Variants in SERPINI1 observed in about 807,000 individuals in gnomAD.
The protein encoded by SERPINI1 is serpin family I member 1, also known as neuroserpin.
In SERPINI1, 19 loss-of-function variants were observed where a neutral mutation model predicts 41.1. The ratio of observed to expected loss-of-function variants is 0.46; its 90% CI spans 0.32 to 0.68. SERPINI1 has a LOEUF of 0.68. SERPINI1 is among the 30% of genes least tolerant of loss of function. The probability of loss-of-function intolerance (pLI) is 0.03; values close to 1 mark genes in which losing one functional copy is unlikely to be tolerated. For synonymous variants in SERPINI1, 138 were observed against 156.6 expected (o/e 0.88, Z 0.89); for missense variants, 460 against 479.2 (o/e 0.96, Z 0.37).
At chr3:167,806,092 A>C (rs998362833) in intron 5 of SERPINI1, among the ~76,000 whole-genome samples, 1 of 152,184 alleles carries the variant, frequency 6.6e-6, no homozygotes, top group African/African-American at 2.4e-5. Flanking sequence ...TCAATGATAG[A>C]CTGGATAAAG....
chr3:167,798,964 A>C (rs1727802836), intron 5 of SERPINI1, among the ~76,000 whole-genome samples: 1 of 152,138 alleles, frequency 6.6e-6, no homozygotes, highest in African/African-American at 2.4e-5. Context: ...ACAAACCTAC[A>C]TACGTATCCC....
chr3:167,737,847 T>C (rs2108527078), intron 1 of SERPINI1, among the ~76,000 whole-genome samples: 1 of 152,242 alleles, frequency 6.6e-6, no homozygotes. Context: ...GGATAGAATC[T>C]GATTAGGAAT....
chr3:167,772,872 A>ATG (rs1726820888), intron 1 of SERPINI1, among the ~76,000 whole-genome samples: 1 of 41,770 alleles, frequency 2.4e-5, no homozygotes, highest in African/African-American at 1.2e-4. Context: ...CTCTATATAT[A>ATG]TATATATATA....
chr3:167,781,856 A>C (rs1348057151), intron 1 of SERPINI1, among the ~76,000 whole-genome samples: 1 of 152,038 alleles, frequency 6.6e-6, no homozygotes, highest in African/African-American at 2.4e-5. Flanking sequence ...ATCTTTTTTT[A>C]TAATGCGGAC....
rs924074496 is a variant in SERPINI1, at chr3:167,813,116, G to A, written c.979+5775G>A. 9.2e-5 allele frequency among the ~76,000 whole-genome samples: 14 copies of A among 152,172 alleles called. 1 individual carries two copies. Among genetic ancestry groups the A allele is most frequent in the Admixed American group, 9.2e-4 (14 of 15,270 alleles). ...ACTCAAGTGCTGTTGATTTATGCTG[G>A]ACCTACTCTTACCCTCTGCCCTTGT... On this transcript the variant is annotated intron_variant, in intron 6 of 8. Transcript: ENST00000446050.
At chr3:167,793,278 A>C (rs1045619563) in intron 4 of SERPINI1, among the ~76,000 whole-genome samples, 1 of 152,152 alleles carries the variant, frequency 6.6e-6, no homozygotes, top group Non-Finnish European at 1.5e-5. Flanking sequence ...AATATAATTC[A>C]ATATCTTTGG....
chr3:167,789,632 G>T (rs193149966), intron 2 of SERPINI1, among the ~76,000 whole-genome samples: 1 of 152,186 alleles, frequency 6.6e-6, no homozygotes, highest in East Asian at 1.9e-4. Context: ...ATCAAAAAAA[G>T]CAAACATTTT....
chr3:167,787,654 C>G (rs984157812), intron 1 of SERPINI1, among the ~76,000 whole-genome samples: 2 of 152,178 alleles, frequency 1.3e-5, no homozygotes, highest in African/African-American at 4.8e-5. Flanking sequence ...CCATTAGCAA[C>G]GGAGGTGGTG....
At chr3:167,792,878 A>G (rs1577420779) in intron 4 of SERPINI1, 94 bp downstream of exon 4, 1 of 1,099,572 alleles carries the variant, frequency 9.1e-7, no homozygotes, top group Non-Finnish European at 1.4e-6. Flanking sequence ...ACTCCTTGTC[A>G]ATCTAATTTG....
At chr3:167,822,964 AT>A in intron 6 of SERPINI1, 21 bp from the exon 7 acceptor site, 13 of 1,451,644 alleles carry the variant, frequency 9.0e-6, no homozygotes, top group Non-Finnish European at 1.3e-5. Context: ...AAAAAAAAAA[AT>A]TTCTGATTCT....
In SERPINI1 at chr3:167,820,291, C is replaced by A. The variant is rs552841254; in HGVS notation, c.980-2695C>A. The stretch of plus-strand genomic sequence containing the variant: ...GGAGGAGCAGCCAGGGCTTCATGCT[C>A]CATGGAGCCAGCAGGAGCTGGGAAG... On this transcript the variant is annotated intron_variant, in intron 6 of 8. Transcript: ENST00000446050. Among the ~76,000 whole-genome samples the A allele has an allele frequency of 1.2e-4, 18 of 152,254 alleles. No homozygotes were observed. In the East Asian group the frequency reaches 3.3e-3, roughly 28 times the overall value.
intron 1 of SERPINI1, among the ~76,000 whole-genome samples, chr3:167,776,986 G>A (rs1726985995): frequency 6.6e-6 from 1 of 152,136 alleles, no homozygotes; most frequent in South Asian, 2.1e-4. Flanking sequence ...TCAGTATAGC[G>A]AGAATCCCCT....
chr3:167,786,130 C>T (rs1727297279), intron 1 of SERPINI1, among the ~76,000 whole-genome samples: 1 of 152,168 alleles, frequency 6.6e-6, no homozygotes, highest in South Asian at 2.1e-4. Flanking sequence ...ATTTGTGTAT[C>T]TAAACACAGA....
chr3:167,761,247 G>A (rs1294280526), intron 1 of SERPINI1, among the ~76,000 whole-genome samples: 1 of 152,202 alleles, frequency 6.6e-6, no homozygotes, highest in African/African-American at 2.4e-5. Flanking sequence ...TGAAAAGTTT[G>A]GTGATAGAAA....
In SERPINI1 at chr3:167,790,574, C is replaced by A; in HGVS notation, c.453C>A (p.Ile151=). The change falls in exon 3 of 9, where the codon ATC becomes ATA. Residue 151 remains isoleucine (I), a synonymous_variant. Transcript: ENST00000446050. Reference sequence around the variant, plus strand: ...AAAATGTAGCCGTGGCCAACTACATCAATAAGTGGGTGGAGAATAACACAA... The same window carrying A: ...AAAATGTAGCCGTGGCCAACTACATAAATAAGTGGGTGGAGAATAACACAA... The part of the protein sequence containing the change: ...FSQNVAVANY[I]NKWVENNTNN... The A allele has an allele frequency of 1.2e-6, 2 of 1,613,392 alleles. No homozygotes were observed. Among genetic ancestry groups the A allele is most frequent in the Non-Finnish European group, 1.7e-6 (2 of 1,179,466 alleles).
At chr3:167,772,611 G>C (rs1049006564) in intron 1 of SERPINI1, among the ~76,000 whole-genome samples, 2 of 151,878 alleles carry the variant, frequency 1.3e-5, no homozygotes, top group African/African-American at 2.4e-5. Flanking sequence ...TTTTTAAAAA[G>C]TGAAGTCAAG....
chr3:167,745,191 C>CA (rs1725827092), intron 1 of SERPINI1, among the ~76,000 whole-genome samples: 1 of 151,642 alleles, frequency 6.6e-6, no homozygotes, highest in Non-Finnish European at 1.5e-5. Context: ...AAAATACTAG[C>CA]AACCAAATCT....
chr3:167,787,842 A>C (rs934685018), intron 1 of SERPINI1, among the ~76,000 whole-genome samples: 1 of 152,246 alleles, frequency 6.6e-6, no homozygotes, highest in African/African-American at 2.4e-5. Context: ...GTCACCAGGC[A>C]GTTCTCTGAA....
rs139885229 is a variant in SERPINI1 at position 167,798,769 on chromosome 3, T to A, written c.881+3945T>A. 6.6e-4 allele frequency among the ~76,000 whole-genome samples: 100 copies of A among 152,196 alleles called. No individual in the cohort carries two copies. In the East Asian group the frequency reaches 0.017, roughly 27 times the overall value. On this transcript the variant is annotated intron_variant, in intron 5 of 8. Coordinates refer to ENST00000446050, the MANE Select transcript of SERPINI1 (RefSeq NM_001122752.2). ...ACCAAATACTGCATTTTCTCACTTA[T>A]AAGTGGGAGCTAAATTTTGGGTACT...
Sources: gnomAD v4.1 joint callset for allele counts (sites outside exome capture counted in the v4.1 genomes callset) on GRCh38, gnomAD v4.1.1 for gene constraint, MANE v1.5 for transcripts, NCBI Gene and HGNC (gene_info 2026-07-23, HGNC 2026-07-21) for gene names.